The following MRPL1 variants were observed in gnomAD, a reference collection of about 807,000 sequenced individuals.
The protein encoded by MRPL1 is large ribosomal subunit protein uL1m.
A neutral mutation model predicts 38.0 loss-of-function variants in MRPL1; 28 were observed. The ratio of observed to expected loss-of-function variants is 0.74; its 90% CI spans 0.55 to 1.01. MRPL1 has a LOEUF of 1.01. Ranked by LOEUF, MRPL1 falls within the 50% of genes least tolerant of loss-of-function variation. MRPL1 has a pLI of 0.00. For synonymous variants in MRPL1, 123 were observed against 126.7 expected, an observed-to-expected ratio of 0.97 and a Z score of 0.20; for missense variants, 358 against 389.8, an observed-to-expected ratio of 0.92 and a Z score of 0.69.
At chr4:77,864,128 A>G (rs984403516) in intron 1 of MRPL1, among the ~76,000 whole-genome samples, 1 of 151,968 alleles carries the variant, frequency 6.6e-6, no homozygotes, top group African/African-American at 2.4e-5. Context: ...ACCAAAATGT[A>G]TATTATTTCT....
At chr4:77,939,124 A>G (rs1254013973) in intron 7 of MRPL1, among the ~76,000 whole-genome samples, 1 of 152,030 alleles carries the variant, frequency 6.6e-6, no homozygotes, top group Non-Finnish European at 1.5e-5. Context: ...ATGCCTTTGC[A>G]TCCTATAGCT....
At chr4:77,889,334 A>G (rs1402985335) in intron 5 of MRPL1, among the ~76,000 whole-genome samples, 2 of 152,226 alleles carry the variant, frequency 1.3e-5, no homozygotes, top group Non-Finnish European at 2.9e-5. Flanking sequence ...CACTCACTCA[A>G]AACCGCTCAA....
At chr4:77,922,040 A>G (rs757495243) in intron 7 of MRPL1, among the ~76,000 whole-genome samples, 3 of 152,184 alleles carry the variant, frequency 2.0e-5, no homozygotes, top group Admixed American at 6.5e-5. Flanking sequence ...CCTTCATGGG[A>G]TAGACGTGTA....
chr4:77,915,456 C>T (rs925987244), intron 7 of MRPL1, among the ~76,000 whole-genome samples: 5 of 152,266 alleles, frequency 3.3e-5, no homozygotes, highest in South Asian at 2.1e-4. Context: ...TAGGGTCTTA[C>T]TGTATCACCC....
intron 7 of MRPL1, among the ~76,000 whole-genome samples, chr4:77,944,721 T>C (rs1311513016): frequency 6.6e-6 from 1 of 152,212 alleles, no homozygotes; most frequent in Non-Finnish European, 1.5e-5. Context: ...AATTCTTATT[T>C]TTCCATCTTA....
At chr4:77,871,879 A>G (rs769724179) in intron 2 of MRPL1, 24 bp downstream of exon 2, 1 of 1,433,094 alleles carries the variant, frequency 7.0e-7, no homozygotes. Context: ...TTTAGTTATT[A>G]TTTCATTTGT....
intron 7 of MRPL1, among the ~76,000 whole-genome samples, chr4:77,948,935 T>C (rs1408916886): frequency 6.6e-6 from 1 of 152,182 alleles, no homozygotes; most frequent in Non-Finnish European, 1.5e-5. Context: ...CACACTTGGC[T>C]AATTTTTGTA....
At position 77,894,223 on chromosome 4, in the gene MRPL1, A is replaced by T. The variant is rs1735867268; in HGVS notation, c.643A>T (p.Asn215Tyr). 1 of 1,596,886 alleles carries T rather than the reference A, an allele frequency of 6.3e-7. No homozygotes were observed. Among genetic ancestry groups the T allele is most frequent in the African/African-American group, 1.3e-5 (1 of 74,134 alleles). ...PELNRLRKKL[N>Y]KKYPKLSRNS... ...ACTTAATCGATTAAGGAAGAAACTG[A>T]ATAAAAAATATCCAAAGCTTTCTCG... Residue 215 changes from asparagine to tyrosine, a missense_variant, in exon 6 of 9, where the codon AAT (asparagine) becomes TAT (tyrosine). Physicochemically the swap from Asn to Tyr is moderately radical, Grantham distance 143. Coordinates refer to ENST00000315567, the MANE Select transcript of MRPL1 (RefSeq NM_020236.4).
At chr4:77,868,915 AGTT>A (rs1277332190) in intron 1 of MRPL1, among the ~76,000 whole-genome samples, 1 of 152,232 alleles carries the variant, frequency 6.6e-6, no homozygotes, top group Non-Finnish European at 1.5e-5. Flanking sequence ...CAAAGAGCCA[AGTT>A]TAGCCATCCA....
chr4:77,912,699 T>C (rs1355042412), intron 7 of MRPL1, among the ~76,000 whole-genome samples: 4 of 152,172 alleles, frequency 2.6e-5, no homozygotes, highest in African/African-American at 9.6e-5. Flanking sequence ...ACTGACTAGC[T>C]GATTCTAAAA....
chr4:77,949,280 CAAGA>C (rs1201641985), intron 7 of MRPL1, among the ~76,000 whole-genome samples: 1 of 152,116 alleles, frequency 6.6e-6, no homozygotes, highest in Admixed American at 6.5e-5. Flanking sequence ...TGCTAAATGA[CAAGA>C]TAATTGTTAT....
At chr4:77,944,857 T>C (rs202113190) in intron 7 of MRPL1, among the ~76,000 whole-genome samples, 1 of 152,148 alleles carries the variant, frequency 6.6e-6, no homozygotes, top group East Asian at 1.9e-4. Context: ...GAACTTGTAA[T>C]AGCTGTGTCC....
At chr4:77,903,840 T>G (rs1736090697) in intron 6 of MRPL1, among the ~76,000 whole-genome samples, 1 of 152,124 alleles carries the variant, frequency 6.6e-6, no homozygotes, top group African/African-American at 2.4e-5. Context: ...CTTATTTTTT[T>G]CTATAGATTG....
chr4:77,950,438 T>C (rs971155696), intron 8 of MRPL1, among the ~76,000 whole-genome samples: 6 of 152,186 alleles, frequency 3.9e-5, no homozygotes, highest in African/African-American at 1.4e-4. Context: ...TTGCGTTGTG[T>C]GCTGTTCAAA....
intron 8 of MRPL1, 124 bp downstream of exon 8, chr4:77,950,002 A>G (rs1421605186): frequency 6.1e-6 from 3 of 494,876 alleles, no homozygotes; most frequent in East Asian, 6.7e-5. Flanking sequence ...TAAATAAAAA[A>G]TCAAGTTAAC....
chr4:77,902,806 A>G (rs1355437099), intron 6 of MRPL1, among the ~76,000 whole-genome samples: 7 of 152,252 alleles, frequency 4.6e-5, no homozygotes, highest in Admixed American at 4.6e-4. Flanking sequence ...AAGTTTCTGG[A>G]AGAAATGGAA....
chr4:77,868,485 CCCT>C (rs1735205960), intron 1 of MRPL1, among the ~76,000 whole-genome samples: 2 of 152,294 alleles, frequency 1.3e-5, no homozygotes, highest in East Asian at 3.9e-4. Context: ...TTGTGATCCA[CCCT>C]CCTCAACCTC....
chr4:77,890,580 A>T (rs1020494877), intron 5 of MRPL1, among the ~76,000 whole-genome samples: 1 of 152,234 alleles, frequency 6.6e-6, no homozygotes, highest in African/African-American at 2.4e-5. Context: ...CTGGCACAAG[A>T]CAGGGATGCC....
At chr4:77,945,169 TTAC>T (rs201283475) in intron 7 of MRPL1, among the ~76,000 whole-genome samples, 1,560 of 97,060 alleles carry the variant, frequency 0.016, 27 homozygotes, top group African/African-American at 0.054. Flanking sequence ...ATTATTATTA[TTAC>T]TACTACTACT....
Sources: gnomAD v4.1 joint callset for allele counts (sites outside exome capture counted in the v4.1 genomes callset) on GRCh38, gnomAD v4.1.1 for gene constraint, MANE v1.5 for transcripts, NCBI Gene and HGNC (gene_info 2026-07-23, HGNC 2026-07-21) for gene names.